ADARB2: variants seen among roughly 807,000 people sequenced by gnomAD.
ADARB2 encodes adenosine deaminase RNA specific B2 (inactive), also known as inactive double-stranded RNA-specific editase B2.
ADARB2 carries 25 observed loss-of-function variants against 62.2 expected under a neutral mutation model. That is an observed-to-expected ratio of 0.40 (90% confidence interval 0.29 to 0.56). The LOEUF is 0.56. Ranked by LOEUF, ADARB2 falls within the 20% of genes least tolerant of loss-of-function variation. The pLI, the probability that ADARB2 is intolerant of heterozygous loss-of-function variation, is 0.43. For synonymous variants in ADARB2, 572 were observed against 500.8 expected, an observed-to-expected ratio of 1.14 and a Z score of -1.90; for missense variants, 1,071 against 1,077.4, an observed-to-expected ratio of 0.99 and a Z score of 0.08.
intron 1 of ADARB2, among the ~76,000 whole-genome samples, chr10:1,693,790 A>G (rs1834702097): frequency 6.6e-6 from 1 of 152,252 alleles, no homozygotes; most frequent in African/African-American, 2.4e-5. Flanking sequence ...TCAAATTTCT[A>G]TGGTAGTTAT....
intron 3 of ADARB2, among the ~76,000 whole-genome samples, chr10:1,288,008 T>C (rs1500965): frequency 0.57 from 86,695 of 152,178 alleles, 25,033 homozygotes; most frequent in South Asian, 0.78. Context: ...CCACTGAGTG[T>C]GCATGGTGGG....
chr10:1,381,441 A>T (rs1341961632), intron 1 of ADARB2, among the ~76,000 whole-genome samples: 1 of 152,236 alleles, frequency 6.6e-6, no homozygotes, highest in African/African-American at 2.4e-5. Flanking sequence ...GACATGGGGA[A>T]ATGAGAGCCC....
Position 1,363,274 on chromosome 10 carries a change from G to A in ADARB2, c.831C>T (p.Arg277=). ...GGCGGTTCAGCAGCACCACGGGGTT[G>A]CGCTCGCCCGGGGCCGCGGGGGTGG... ...TPATPAAPGE[R]NPVVLLNRLR... is the part of the protein sequence containing the mutation. The change falls in exon 3 of 10, where the codon CGC becomes CGT. Residue 277 remains arginine (R), a synonymous_variant. Transcript: ENST00000381312. The A allele has an allele frequency of 8.0e-7, 1 of 1,256,762 alleles. No homozygotes were observed. Among genetic ancestry groups the A allele is most frequent in the Non-Finnish European group, 1.0e-6 (1 of 999,808 alleles). The allele number at this position is 1,256,762 out of a possible 1,614,324, so 77.9% of individuals were successfully genotyped here.
At chr10:1,726,199 G>A (rs778735377) in intron 1 of ADARB2, among the ~76,000 whole-genome samples, 19 of 152,290 alleles carry the variant, frequency 1.2e-4, no homozygotes, top group African/African-American at 4.1e-4. Context: ...TCTACAGTGC[G>A]GTTGGGTGTA....
intron 6 of ADARB2, among the ~76,000 whole-genome samples, chr10:1,221,460 A>T (rs1830694529): frequency 6.6e-6 from 1 of 151,452 alleles, no homozygotes. Context: ...GTACATGTGC[A>T]CAACGTGCAG....
At chr10:1,625,741 C>A (rs1033349383) in intron 1 of ADARB2, among the ~76,000 whole-genome samples, 2 of 152,138 alleles carry the variant, frequency 1.3e-5, no homozygotes, top group African/African-American at 4.8e-5. Context: ...TGGGACCCAG[C>A]CCCAGGTTGC....
At chr10:1,619,756 T>C (rs1833685992) in intron 1 of ADARB2, among the ~76,000 whole-genome samples, 3 of 152,290 alleles carry the variant, frequency 2.0e-5, no homozygotes, top group Admixed American at 2.0e-4. Context: ...TGCCCACATA[T>C]TGTTTTTAAG....
At chr10:1,472,846 C>T (rs1831343292) in intron 1 of ADARB2, among the ~76,000 whole-genome samples, 1 of 152,186 alleles carries the variant, frequency 6.6e-6, no homozygotes, top group African/African-American at 2.4e-5. Flanking sequence ...CTCCCACACA[C>T]AGCAGGAGTG....
chr10:1,211,383 CATCT>C (rs557583947), intron 7 of ADARB2, among the ~76,000 whole-genome samples: 3 of 151,952 alleles, frequency 2.0e-5, no homozygotes, highest in African/African-American at 7.3e-5. Flanking sequence ...CATCTCTATC[CATCT>C]ATCTGTCTGT....
In ADARB2 at chr10:1,737,227, C is replaced by T; in HGVS notation, c.-77G>A. The T allele has an allele frequency of 6.7e-7, 1 of 1,488,810 alleles. No individual in the cohort carries two copies. Among genetic ancestry groups the T allele is most frequent in the Non-Finnish European group, 9.2e-7 (1 of 1,082,468 alleles). The allele number at this position is 1,488,810 out of a possible 1,614,324, so 92.2% of individuals were successfully genotyped here. A position where few individuals can be genotyped will look rare whatever the true frequency, so the allele number is the denominator to read the frequency against. The stretch of plus-strand genomic sequence containing the variant: ...CTGCCTCCTTCCCGGCAGCCGCCGC[C>T]GCCGCTGCTGCGAAGCTTGAGGTTG... On this transcript the variant is annotated 5_prime_UTR_variant, in exon 1 of 10. Coordinates refer to ENST00000381312, the MANE Select transcript of ADARB2 (RefSeq NM_018702.4).
intron 3 of ADARB2, among the ~76,000 whole-genome samples, chr10:1,275,353 T>A (rs1831305129): frequency 6.6e-6 from 1 of 151,642 alleles, no homozygotes; most frequent in South Asian, 2.1e-4. Flanking sequence ...AGGTGGGAGG[T>A]GCAGCTGACA....
chr10:1,269,709 G>A (rs573322632), intron 4 of ADARB2, among the ~76,000 whole-genome samples: 2 of 152,300 alleles, frequency 1.3e-5, no homozygotes, highest in African/African-American at 4.8e-5. Context: ...TGTACCCTGA[G>A]TGGGGGCTGT....
chr10:1,719,055 G>A (rs7921724), intron 1 of ADARB2, among the ~76,000 whole-genome samples: 69,770 of 151,742 alleles, frequency 0.46, 17,578 homozygotes, highest in African/African-American at 0.67. Context: ...CTGCCTCCCA[G>A]GTTCAAGCAA....
At chr10:1,531,676 A>G (rs1490217826) in intron 1 of ADARB2, among the ~76,000 whole-genome samples, 2 of 152,142 alleles carry the variant, frequency 1.3e-5, no homozygotes, top group Non-Finnish European at 2.9e-5. Context: ...GACTCTACTA[A>G]AAATACAAAA....
intron 1 of ADARB2, among the ~76,000 whole-genome samples, chr10:1,653,701 T>C (rs1239968779): frequency 6.6e-6 from 1 of 152,196 alleles, no homozygotes; most frequent in Non-Finnish European, 1.5e-5. Context: ...ACATGTTCGG[T>C]CTCATCTCCT....
intron 1 of ADARB2, among the ~76,000 whole-genome samples, chr10:1,387,325 A>G (rs557490031): frequency 1.3e-4 from 20 of 152,018 alleles, no homozygotes; most frequent in African/African-American, 3.6e-4. Flanking sequence ...AAGCAAAAAA[A>G]TTGGCTCCTT....
chr10:1,266,781 T>C (rs1357226200), intron 4 of ADARB2, among the ~76,000 whole-genome samples: 1 of 152,172 alleles, frequency 6.6e-6, no homozygotes, highest in African/African-American at 2.4e-5. Flanking sequence ...CCAGGGCGTC[T>C]CCTCAGAGGA....
intron 1 of ADARB2, among the ~76,000 whole-genome samples, chr10:1,601,921 G>A (rs1458604499): frequency 6.6e-6 from 1 of 152,172 alleles, no homozygotes; most frequent in African/African-American, 2.4e-5. Flanking sequence ...TCCCTTTGTG[G>A]AAACCCAGGA....
rs1454332186 is a variant in ADARB2, at chr10:1,477,152, C to T, written c.101-97992G>A. 6.6e-6 allele frequency among the ~76,000 whole-genome samples: 1 copy of T among 152,196 alleles called. No individual in the cohort carries two copies. Among genetic ancestry groups the T allele is most frequent in the Non-Finnish European group, 1.5e-5 (1 of 68,028 alleles). On this transcript the variant is annotated intron_variant, in intron 1 of 9. Transcript: ENST00000381312. This position sits in a 1 kb window ranked among gnomAD's most constrained non-coding sequence, Gnocchi z 4.5. ...GTGAAACTTGGGTTGCCCGATCCTG[C>T]AAACGCTGGCTTTCTCCTCTGACCC...
Sources: allele counts gnomAD v4.1 joint callset (sites outside exome capture counted in the v4.1 genomes callset), GRCh38; gene constraint gnomAD v4.1.1; non-coding constraint Gnocchi (gnomAD v3.1); transcripts MANE v1.5; gene names NCBI Gene and HGNC (gene_info 2026-07-23, HGNC 2026-07-21).